The following GABRR3 variants were observed in gnomAD, a reference collection of about 807,000 sequenced individuals.
GABRR3 encodes the protein gamma-aminobutyric acid receptor subunit rho-3.
A neutral mutation model predicts 43.2 loss-of-function variants in GABRR3; 29 were observed. That is an observed-to-expected ratio of 0.67 (90% CI 0.50 to 0.92). GABRR3 has a LOEUF of 0.92. Among genes scored for constraint, GABRR3 ranks in the 40% least tolerant of loss-of-function variants. The pLI, the probability that GABRR3 is intolerant of heterozygous loss-of-function variation, is 0.00. For missense variants in GABRR3, 576 were observed against 572.3 expected, an observed-to-expected ratio of 1.01 and a Z score of -0.07; for synonymous variants, 206 against 195.9, an observed-to-expected ratio of 1.05 and a Z score of -0.43.
intron 8 of GABRR3, chr3:98,000,782 A>G (rs910043173): frequency 6.6e-5 from 10 of 152,142 alleles, no homozygotes; most frequent in Non-Finnish European, 1.3e-4. Context: ...AAAATCAGAT[A>G]AAATGAGGGG....
At chr3:97,986,776 C>A (rs1350450911) in exon 10 of GABRR3, 1 of 1,608,612 alleles carries the variant, frequency 6.2e-7, no homozygotes, top group South Asian at 1.1e-5. Flanking sequence ...GGTTGTTTTC[C>A]AGAATGATTC....
intron 2 of GABRR3, among the ~76,000 whole-genome samples, chr3:98,031,237 G>A (rs1412709145): frequency 6.6e-6 from 1 of 152,160 alleles, no homozygotes; most frequent in Non-Finnish European, 1.5e-5. Context: ...TCTCACTTGG[G>A]TCTCTGTCAG....
In GABRR3 at chr3:98,002,507, G is replaced by T. The variant is rs555064372; in HGVS notation, c.755-740C>A. 3.9e-5 allele frequency among the ~76,000 whole-genome samples: 6 copies of T among 152,210 alleles called. No individual in the cohort carries two copies. The South Asian group carries it at 1.2e-3, about 32-fold the overall frequency. ...AAGCCAAATTTTCAGACATCTACAG[G>T]ACTTCTCTGAGCACCATTCTTTAAT... On this transcript the variant is annotated intron_variant, in intron 7 of 9. Transcript: ENST00000621172.
intron 4 of GABRR3, among the ~76,000 whole-genome samples, chr3:98,015,526 G>C (rs1001447725): frequency 6.6e-6 from 1 of 152,178 alleles, no homozygotes; most frequent in African/African-American, 2.4e-5. Context: ...ACTTTGGGTA[G>C]AATGGAGATA....
At chr3:98,002,300 C>G (rs2107232631) in intron 7 of GABRR3, among the ~76,000 whole-genome samples, 1 of 152,236 alleles carries the variant, frequency 6.6e-6, no homozygotes, top group African/African-American at 2.4e-5. Context: ...TCACAAGTAC[C>G]ATAATTTGTG....
At chr3:98,004,681 A>G (rs1576040827) in intron 7 of GABRR3, among the ~76,000 whole-genome samples, 1 of 151,136 alleles carries the variant, frequency 6.6e-6, no homozygotes, top group African/African-American at 2.4e-5. Flanking sequence ...AGGCCAAGAA[A>G]AAAAAAAAAA....
At chr3:98,023,865 C>T (rs745527732) in intron 3 of GABRR3, among the ~76,000 whole-genome samples, 19 of 152,158 alleles carry the variant, frequency 1.2e-4, no homozygotes, top group Admixed American at 3.3e-4. Flanking sequence ...CTCAGCCTCC[C>T]GAGGAGCTCT....
chr3:98,002,718 C>A (rs11917287), intron 7 of GABRR3, among the ~76,000 whole-genome samples: 38,089 of 151,904 alleles, frequency 0.25, 4,941 homozygotes, highest in African/African-American at 0.31. Context: ...GAATAAGTAG[C>A]AAGATTTTTT....
chr3:97,992,236 C>T (rs572384015), intron 9 of GABRR3, among the ~76,000 whole-genome samples: 2 of 151,920 alleles, frequency 1.3e-5, no homozygotes, highest in African/African-American at 2.4e-5. Flanking sequence ...ACCACTCTCC[C>T]GAGTGACAAG....
Position 98,001,611 on chromosome 3 carries a change from T to G in GABRR3, c.907+4A>C. ...ACATTTTATAAAGATGGGGAAAGAT[T>G]TACCCAGGGAAACTCTTGCAGGAAC... On this transcript the variant is annotated splice_donor_region_variant and intron_variant, in intron 8 of 9. Transcript: ENST00000621172. The G allele has an allele frequency of 6.2e-7, 1 of 1,612,740 alleles. No individual in the cohort carries two copies.
intron 8 of GABRR3, among the ~76,000 whole-genome samples, chr3:97,993,417 C>CT (rs758812446): frequency 6.6e-6 from 1 of 152,122 alleles, no homozygotes; most frequent in Non-Finnish European, 1.5e-5. Flanking sequence ...TTCCTCTAAC[C>CT]TTTCCCATTC....
At chr3:98,027,947 T>A (rs1048424325) in intron 2 of GABRR3, among the ~76,000 whole-genome samples, 4 of 151,872 alleles carry the variant, frequency 2.6e-5, no homozygotes, top group Non-Finnish European at 5.9e-5. Flanking sequence ...ATTCTTTTTT[T>A]AAAAAAAACT....
chr3:97,999,773 C>T (rs1706608001), intron 8 of GABRR3: 1 of 151,934 alleles, frequency 6.6e-6, no homozygotes, highest in Admixed American at 6.6e-5. Flanking sequence ...CTCATAGTGA[C>T]CTTTAGGAGG....
intron 9 of GABRR3, among the ~76,000 whole-genome samples, chr3:97,991,139 T>C (rs1232440232): frequency 1.3e-5 from 2 of 152,192 alleles, no homozygotes; most frequent in Admixed American, 6.5e-5. Context: ...AAGGACTAGA[T>C]GGAGGTGAGC....
At chr3:98,025,148 A>G (rs1706994924) in intron 3 of GABRR3, among the ~76,000 whole-genome samples, 1 of 152,242 alleles carries the variant, frequency 6.6e-6, no homozygotes. Flanking sequence ...CGTTTTTAAA[A>G]GACAATTCAG....
chr3:98,034,624 T>G (rs1707128898), intron 2 of GABRR3, among the ~76,000 whole-genome samples: 1 of 152,188 alleles, frequency 6.6e-6, no homozygotes. Flanking sequence ...ACCCTTTAAC[T>G]GTTTTCTCCC....
chr3:98,013,307 G>C (rs1248677456), intron 4 of GABRR3, among the ~76,000 whole-genome samples: 1 of 152,092 alleles, frequency 6.6e-6, no homozygotes, highest in Non-Finnish European at 1.5e-5. Context: ...GTATTGATGA[G>C]AGGAAAAAAC....
chr3:98,034,198 A>G (rs1248281791), intron 2 of GABRR3, among the ~76,000 whole-genome samples: 1 of 152,116 alleles, frequency 6.6e-6, no homozygotes, highest in East Asian at 1.9e-4. Context: ...TCATTCCAGT[A>G]TGCCTGGGGC....
intron 7 of GABRR3, among the ~76,000 whole-genome samples, chr3:98,004,740 T>C (rs72918409): frequency 0.01 from 1,580 of 151,930 alleles, 28 homozygotes; most frequent in African/African-American, 0.036. Flanking sequence ...TATAACTATA[T>C]TTCTGACTCT....
Sources: allele counts gnomAD v4.1 joint callset (sites outside exome capture counted in the v4.1 genomes callset), GRCh38; gene constraint gnomAD v4.1.1; transcripts MANE v1.5; gene names NCBI Gene and HGNC (gene_info 2026-07-23, HGNC 2026-07-21).